Variants in ENTPD3 observed in about 807,000 individuals in gnomAD.
The protein encoded by ENTPD3 is CD39 antigen-like 3.
ENTPD3 carries 60 observed loss-of-function variants against 51.2 expected under a neutral mutation model. That is an observed-to-expected ratio of 1.17 (90% confidence interval 0.95 to 1.45). The LOEUF (loss-of-function observed/expected upper bound fraction) is 1.45, where lower values mean the gene tolerates loss of function less well. Ranked by LOEUF, ENTPD3 falls within the 40% of genes most tolerant of loss-of-function variation. The pLI is 0.00. For synonymous variants in ENTPD3, 221 were observed against 238.4 expected, an observed-to-expected ratio of 0.93 and a Z score of 0.67; for missense variants, 593 against 641.1, an observed-to-expected ratio of 0.93 and a Z score of 0.81.
At chr3:40,387,404 C>T (rs1355738135) in intron 1 of ENTPD3, 143 bp downstream of exon 1, 2 of 152,368 alleles carry the variant, frequency 1.3e-5, no homozygotes, top group African/African-American at 4.8e-5. Flanking sequence ...AGCCCCAAAT[C>T]CTTGGGCGGC....
chr3:40,427,142 A>T (rs1029632156), intron 10 of ENTPD3, 130 bp from the exon 11 acceptor site: 2 of 729,292 alleles, frequency 2.7e-6, no homozygotes, highest in African/African-American at 3.5e-5. Flanking sequence ...TAACTTGGGC[A>T]AGTCCTTTGA....
At chr3:40,403,937 C>T (rs1456691917) in intron 4 of ENTPD3, among the ~76,000 whole-genome samples, 1 of 152,186 alleles carries the variant, frequency 6.6e-6, no homozygotes, top group African/African-American at 2.4e-5. Context: ...GTGTGAGCCA[C>T]TGCACCCAGC....
intron 10 of ENTPD3, among the ~76,000 whole-genome samples, chr3:40,426,013 G>A (rs1194886024): frequency 6.6e-6 from 1 of 151,514 alleles, no homozygotes; most frequent in Non-Finnish European, 1.5e-5. Context: ...TGATAAGGGT[G>A]TGGTAAGGAG....
intron 3 of ENTPD3, among the ~76,000 whole-genome samples, chr3:40,397,519 G>GAT (rs1375185732): frequency 1.3e-5 from 2 of 152,068 alleles, no homozygotes; most frequent in African/African-American, 4.8e-5. Flanking sequence ...GATATGATAT[G>GAT]ATAACATATG....
At chr3:40,408,648 A>G (rs779427861) in intron 4 of ENTPD3, among the ~76,000 whole-genome samples, 25 of 152,204 alleles carry the variant, frequency 1.6e-4, no homozygotes, top group Non-Finnish European at 3.1e-4. Context: ...CTCACATTTT[A>G]TTTACTGAGA....
At chr3:40,389,489 C>T (rs1955009315) in intron 2 of ENTPD3, among the ~76,000 whole-genome samples, 1 of 152,190 alleles carries the variant, frequency 6.6e-6, no homozygotes, top group African/African-American at 2.4e-5. Flanking sequence ...GGAGCTAGTT[C>T]TGTGGGATAA....
chr3:40,409,230 C>T (rs1336169437), intron 4 of ENTPD3, among the ~76,000 whole-genome samples: 2 of 151,912 alleles, frequency 1.3e-5, no homozygotes, highest in South Asian at 4.2e-4. Flanking sequence ...CCAGCCTGGA[C>T]AACAAGAGCA....
chr3:40,415,832 C>G lies in ENTPD3; in HGVS notation c.598-8C>G, dbSNP rs2125605598. 5 of 1,611,372 alleles carry G rather than the reference C, an allele frequency of 3.1e-6. No individual in the cohort carries two copies. The highest frequency in any genetic ancestry group is 4.2e-6 in the Non-Finnish European group (5 of 1,177,660). ...CTTTCTTTCTCACTTCCTTTTCCCACTGTGCAGAAGAACCTGTGGCACATG... is the reference window on the plus strand; with the variant it reads ...CTTTCTTTCTCACTTCCTTTTCCCAGTGTGCAGAAGAACCTGTGGCACATG... On this transcript the variant is annotated splice_polypyrimidine_tract_variant and splice_region_variant and intron_variant, in intron 6 of 10. Transcript: ENST00000301825.
chr3:40,419,899 T>C (rs1955826021), intron 7 of ENTPD3, among the ~76,000 whole-genome samples: 1 of 152,236 alleles, frequency 6.6e-6, no homozygotes, highest in Non-Finnish European at 1.5e-5. Flanking sequence ...GACAGTGCCC[T>C]GCAAACACTA....
intron 1 of ENTPD3, among the ~76,000 whole-genome samples, chr3:40,387,689 G>A (rs562827173): frequency 6.6e-6 from 1 of 152,216 alleles, no homozygotes; most frequent in South Asian, 2.1e-4. Context: ...CTCATGTTCT[G>A]AAAAAAAGCC....
chr3:40,415,007 A>G (rs1379588510), intron 6 of ENTPD3, among the ~76,000 whole-genome samples, 167 bp downstream of exon 6: 1 of 152,206 alleles, frequency 6.6e-6, no homozygotes, highest in Admixed American at 6.5e-5. Context: ...AAAGACATAT[A>G]TAGCTGGGGA....
At chr3:40,426,442 A>G (rs1019847444) in intron 10 of ENTPD3, among the ~76,000 whole-genome samples, 1 of 152,124 alleles carries the variant, frequency 6.6e-6, no homozygotes, top group Non-Finnish European at 1.5e-5. Context: ...AAGAAAAAAT[A>G]TATATAGAAA....
At chr3:40,410,486 C>T (rs1475255770) in intron 4 of ENTPD3, among the ~76,000 whole-genome samples, 2 of 151,886 alleles carry the variant, frequency 1.3e-5, no homozygotes, top group Non-Finnish European at 2.9e-5. Flanking sequence ...ATTTGCAACC[C>T]CTAATGAAAT....
Position 40,416,088 on chromosome 3 carries a change from G to C in ENTPD3, c.831+15G>C, listed in dbSNP as rs560602791. The C allele has an allele frequency of 4.4e-6, 7 of 1,598,706 alleles. No individual in the cohort carries two copies. Among genetic ancestry groups the C allele is most frequent in the Admixed American group, 3.4e-5 (2 of 59,524 alleles). ...TGCTCCTGCAGGTACTTGAGTCGGGGGTAGGGGGTGGCAGGTGTTCTCTTG... is the reference window on the plus strand; with the variant it reads ...TGCTCCTGCAGGTACTTGAGTCGGGCGTAGGGGGTGGCAGGTGTTCTCTTG... On this transcript the variant is annotated intron_variant, in intron 7 of 10. Coordinates refer to ENST00000301825, the MANE Select transcript of ENTPD3 (RefSeq NM_001248.4).
rs138106324 is a variant in ENTPD3 at position 40,423,913 on chromosome 3, G to T, written c.1303G>T (p.Gly435Cys). The change falls in exon 10 of 11, where the codon GGT becomes TGT. Residue 435 changes from glycine (G) to cysteine (C), a missense_variant. Coordinates refer to ENST00000301825, the MANE Select transcript of ENTPD3 (RefSeq NM_001248.4). ...CTACATCTACCACTTGTTTGTGAAC[G>T]GTTACAAATTCACAGAGGAGACTTG... Reference protein sequence around the residue: ...ANYIYHLFVNGYKFTEETWPQ... With the variant: ...ANYIYHLFVNCYKFTEETWPQ... 1.2e-6 allele frequency: 2 copies of T among 1,613,948 alleles called. No individual in the cohort carries two copies. Among genetic ancestry groups the T allele is most frequent in the Admixed American group, 3.3e-5 (2 of 59,994 alleles).
At chr3:40,396,587 C>T (rs1055025028) in intron 3 of ENTPD3, among the ~76,000 whole-genome samples, 4 of 152,076 alleles carry the variant, frequency 2.6e-5, no homozygotes, top group Admixed American at 6.6e-5. Flanking sequence ...AGTCAAGGGG[C>T]GAAAATGTCT....
At chr3:40,401,098 T>G in intron 4 of ENTPD3, 87 bp downstream of exon 4, 1 of 956,410 alleles carries the variant, frequency 1.0e-6, no homozygotes, top group Non-Finnish European at 1.7e-6. Context: ...TCCTGAGATG[T>G]TGCTTGGAGG....
At chr3:40,401,865 A>G (rs1955365146) in intron 4 of ENTPD3, among the ~76,000 whole-genome samples, 1 of 152,228 alleles carries the variant, frequency 6.6e-6, no homozygotes, top group Non-Finnish European at 1.5e-5. Flanking sequence ...ATGATAATTA[A>G]TGATCCGCCA....
At position 40,427,602 on chromosome 3, in the gene ENTPD3, C is replaced by A. The variant is rs1209954088; in HGVS notation, c.*94C>A. 2 of 919,512 alleles carry A rather than the reference C, an allele frequency of 2.2e-6. No homozygotes were observed. The highest frequency in any genetic ancestry group is 1.7e-5 in the African/African-American group (1 of 60,440). The allele number at this position is 919,512 out of a possible 1,614,324, so 57.0% of individuals were successfully genotyped here. A position where few individuals can be genotyped will look rare whatever the true frequency, so the allele number is the denominator to read the frequency against. On this transcript the variant is annotated 3_prime_UTR_variant, in exon 11 of 11. Coordinates refer to ENST00000301825, the MANE Select transcript of ENTPD3 (RefSeq NM_001248.4). Reference sequence around the variant, plus strand: ...GTGAAGTGGCTGCCTTCAGGAAATACAACTAACTAAAATCAAACACCTAGG... The same window carrying A: ...GTGAAGTGGCTGCCTTCAGGAAATAAAACTAACTAAAATCAAACACCTAGG...
Sources: allele counts gnomAD v4.1 joint callset (sites outside exome capture counted in the v4.1 genomes callset), GRCh38; gene constraint gnomAD v4.1.1; transcripts MANE v1.5; gene names NCBI Gene and HGNC (gene_info 2026-07-23, HGNC 2026-07-21).